The following CCNYL1 variants were observed in gnomAD, a reference collection of about 807,000 sequenced individuals.
CCNYL1 encodes the protein cyclin Y like 1.
In CCNYL1, 16 loss-of-function variants were observed where a neutral mutation model predicts 44.2. The ratio of observed to expected loss-of-function variants is 0.36; its 90% confidence interval spans 0.25 to 0.55. The LOEUF (loss-of-function observed/expected upper bound fraction) is 0.55, where lower values mean the gene tolerates loss of function less well. CCNYL1 is among the 20% of genes least tolerant of loss of function. The probability of loss-of-function intolerance (pLI) is 0.85; values close to 1 mark genes in which losing one functional copy is unlikely to be tolerated. For synonymous variants in CCNYL1, 159 were observed against 163.2 expected (o/e 0.97, Z 0.20); for missense variants, 348 against 451.8 (o/e 0.77, Z 2.08).
At chr2:207,726,807 A>C in intron 2 of CCNYL1, 35 bp from the exon 3 acceptor site, 1 of 1,485,332 alleles carries the variant, frequency 6.7e-7, no homozygotes, top group Non-Finnish European at 9.2e-7. Context: ...TGGCATTTGT[A>C]TCAGAATTGA....
At chr2:207,722,607 T>G (rs932663995) in intron 1 of CCNYL1, among the ~76,000 whole-genome samples, 3 of 152,128 alleles carry the variant, frequency 2.0e-5, no homozygotes, top group African/African-American at 7.2e-5. Flanking sequence ...ATTTTTTAGA[T>G]TCAAATGGTA....
intron 1 of CCNYL1, among the ~76,000 whole-genome samples, chr2:207,724,097 A>G (rs2091662027): frequency 6.6e-6 from 1 of 152,162 alleles, no homozygotes; most frequent in African/African-American, 2.4e-5. Context: ...TTTTAGAAAC[A>G]GCCCTAAGAT....
intron 1 of CCNYL1, among the ~76,000 whole-genome samples, chr2:207,723,963 A>G (rs1270259865): frequency 6.6e-6 from 1 of 150,460 alleles, no homozygotes; most frequent in Non-Finnish European, 1.5e-5. Context: ...ATCCCATATT[A>G]TGGCAAAGTT....
At chr2:207,724,171 G>A (rs563151539) in intron 1 of CCNYL1, among the ~76,000 whole-genome samples, 38 of 152,136 alleles carry the variant, frequency 2.5e-4, no homozygotes, top group Non-Finnish European at 5.4e-4. Context: ...GAAGAAGTGA[G>A]AAATTGAGGG....
intron 1 of CCNYL1, among the ~76,000 whole-genome samples, chr2:207,715,736 G>A (rs1020106862): frequency 4.0e-5 from 6 of 150,250 alleles, no homozygotes; most frequent in Admixed American, 6.7e-5. Flanking sequence ...GAGTGGAATG[G>A]CGCGATCTCG....
At chr2:207,716,656 T>C (rs568944975) in intron 1 of CCNYL1, among the ~76,000 whole-genome samples, 9 of 152,306 alleles carry the variant, frequency 5.9e-5, no homozygotes, top group African/African-American at 1.9e-4. Context: ...TCCTTTATGA[T>C]TGGGCATCTT....
chr2:207,737,831 A>G (rs2091777136), intron 5 of CCNYL1, among the ~76,000 whole-genome samples: 1 of 152,248 alleles, frequency 6.6e-6, no homozygotes, highest in African/African-American at 2.4e-5. Context: ...GTGACAACAA[A>G]AATATAACCC....
chr2:207,747,272 A>G, intron 8 of CCNYL1, 59 bp downstream of exon 8: 1 of 1,441,404 alleles, frequency 6.9e-7, no homozygotes, highest in Non-Finnish European at 9.5e-7. Context: ...TATTCCTATA[A>G]AGTTAACAAT....
chr2:207,726,124 G>A (rs2091678804), intron 2 of CCNYL1, among the ~76,000 whole-genome samples: 1 of 152,230 alleles, frequency 6.6e-6, no homozygotes, highest in Non-Finnish European at 1.5e-5. Flanking sequence ...TCTTTCTTCA[G>A]TGGTAAGGAG....
intron 1 of CCNYL1, among the ~76,000 whole-genome samples, chr2:207,716,163 T>C (rs1438176702): frequency 1.3e-5 from 2 of 152,128 alleles, no homozygotes; most frequent in Non-Finnish European, 2.9e-5. Flanking sequence ...CATGGAGCAT[T>C]TTATGTTCTG....
At position 207,747,222 on chromosome 2, in the gene CCNYL1, G is replaced by A. The variant is rs139489767; in HGVS notation, c.806+9G>A. 25 of 1,594,522 alleles carry A rather than the reference G, an allele frequency of 1.6e-5. No individual in the cohort carries two copies. Among genetic ancestry groups the A allele is most frequent in the Non-Finnish European group, 2.1e-5 (24 of 1,166,236 alleles). ...ATTACAGTTGAGGACATGTGAGTTT[G>A]TAAGGTTTTGGTGAACTTTCTAACC... is the stretch of plus-strand genomic sequence containing the variant. On this transcript the variant is annotated intron_variant, in intron 8 of 9. Transcript: ENST00000295414.
At chr2:207,717,087 TGACGGAGCGA>T (rs2091602632) in intron 1 of CCNYL1, among the ~76,000 whole-genome samples, 1 of 144,554 alleles carries the variant, frequency 6.9e-6, no homozygotes, top group Non-Finnish European at 1.5e-5. Flanking sequence ...CCAGCCTGGG[TGACGGAGCGA>T]GACTCCATCT....
chr2:207,753,620 G>T lies in CCNYL1; in HGVS notation c.1002G>T (p.Leu334Phe), dbSNP rs766903333. The T allele has an allele frequency of 5.6e-6, 9 of 1,613,418 alleles. 1 individual carries two copies. The African/African-American group carries it at 9.3e-5, about 17-fold the overall frequency. ...CTAGATTGTGTGAAGACAAAGACTT[G>T]TGTAGAGCCGCTATGAGAAGGTCTT... ...AISRLCEDKD[L>F]CRAAMRRSFS... The change falls in exon 10 of 10, where the codon TTG (leucine) becomes TTT (phenylalanine). Residue 334 changes from leucine (L) to phenylalanine (F), a missense_variant. Physicochemically the swap from Leu to Phe is conservative, Grantham distance 22. This residue lies in a region of CCNYL1 where 94 missense variants were observed against 102.4 expected (regional missense o/e 0.92). Coordinates refer to ENST00000295414, the MANE Select transcript of CCNYL1 (RefSeq NM_001330218.2).
At chr2:207,722,848 A>G (rs181998489) in intron 1 of CCNYL1, among the ~76,000 whole-genome samples, 1 of 152,106 alleles carries the variant, frequency 6.6e-6, no homozygotes, top group Admixed American at 6.5e-5. Context: ...AGTCCCAGCT[A>G]GTTGGGAGGC....
At chr2:207,717,034 A>G (rs1053216071) in intron 1 of CCNYL1, among the ~76,000 whole-genome samples, 6 of 150,984 alleles carry the variant, frequency 4.0e-5, no homozygotes, top group South Asian at 2.1e-4. Context: ...GTGTGAACCC[A>G]GGAGGCAGAG....
In CCNYL1 at chr2:207,747,130, T is replaced by C; in HGVS notation, c.723T>C (p.Leu241=). 6.2e-7 allele frequency: 1 copy of C among 1,614,102 alleles called. No homozygotes were observed. The highest frequency in any genetic ancestry group is 8.5e-7 in the Non-Finnish European group (1 of 1,179,936). ...NWKRIVLGAI[L]LASKVWDDQA... is the part of the protein sequence containing the mutation. ...AAAGGATTGTTCTGGGAGCCATTCT[T>C]CTTGCCTCCAAGGTTTGGGACGATC... The change falls in exon 8 of 10, where the codon CTT becomes CTC. Residue 241 remains leucine, a synonymous_variant. Coordinates refer to ENST00000295414, the MANE Select transcript of CCNYL1 (RefSeq NM_001330218.2).
intron 8 of CCNYL1, 45 bp downstream of exon 8, chr2:207,747,258 A>G (rs777482004): frequency 2.8e-5 from 42 of 1,518,288 alleles, no homozygotes; most frequent in Non-Finnish European, 3.8e-5. Flanking sequence ...ATTTTCCAGT[A>G]TCTTATTCCT....
intron 3 of CCNYL1, among the ~76,000 whole-genome samples, chr2:207,732,477 A>T (rs1167126347): frequency 3.3e-5 from 5 of 152,310 alleles, no homozygotes; most frequent in African/African-American, 1.2e-4. Context: ...AAAAGCAATG[A>T]CTAGACCTTC....
chr2:207,741,927 G>A lies in CCNYL1; in HGVS notation c.520-296G>A, dbSNP rs181104688. ...GCACTTTGGGAGGCCAAGGCAGGTG[G>A]ATTGCCTGAGGTCAGGAGTTTGAGA... On this transcript the variant is annotated intron_variant, in intron 6 of 9. Coordinates refer to ENST00000295414, the MANE Select transcript of CCNYL1 (RefSeq NM_001330218.2). Among the ~76,000 whole-genome samples the A allele has an allele frequency of 4.4e-3, 664 of 151,146 alleles. 5 individuals carry two copies. Among genetic ancestry groups the A allele is most frequent in the African/African-American group, 0.015 (617 of 41,168 alleles).
Sources: allele counts gnomAD v4.1 joint callset (sites outside exome capture counted in the v4.1 genomes callset), GRCh38; gene constraint gnomAD v4.1.1; regional missense constraint gnomAD v4.1.1; transcripts MANE v1.5; gene names NCBI Gene and HGNC (gene_info 2026-07-23, HGNC 2026-07-21).